The following TINAGL1 variants were observed in gnomAD, a reference collection of about 807,000 sequenced individuals.
The protein encoded by TINAGL1 is tubulointerstitial nephritis antigen like 1, also known as tubulointerstitial nephritis antigen-like.
In TINAGL1, 34 loss-of-function variants were observed where a neutral mutation model predicts 62.0. The observed-to-expected ratio is 0.55, with a 90% CI of 0.42 to 0.73. The LOEUF (loss-of-function observed/expected upper bound fraction) is 0.73. TINAGL1 is among the 30% of genes least tolerant of loss of function. The pLI is 0.00. For synonymous variants in TINAGL1, 221 were observed against 249.7 expected, an observed-to-expected ratio of 0.88 and a Z score of 1.08; for missense variants, 516 against 653.2, an observed-to-expected ratio of 0.79 and a Z score of 2.29.
chr1:31,579,168 T>C (rs1324888405), intron 2 of TINAGL1, 36 bp from the exon 3 acceptor site: 1 of 1,590,674 alleles, frequency 6.3e-7, no homozygotes, highest in East Asian at 2.2e-5. Flanking sequence ...TCCTCTCTGG[T>C]TCTGGTTCCA....
At position 31,578,434 on chromosome 1, in the gene TINAGL1, G is replaced by GGTGTGT. The variant is rs10577314; in HGVS notation, c.311-750_311-745dup. ...TTATAGTTTAATTTTAGTGACAGCTGGTGTGTGTGTGTGTGTGTGTGTGTG... is the reference window on the plus strand; with the variant it reads ...TTATAGTTTAATTTTAGTGACAGCTGGTGTGTGTGTGTGTGTGTGTGTGTGTGTGTG... On this transcript the variant is annotated intron_variant, in intron 2 of 11. Coordinates refer to ENST00000271064, the MANE Select transcript of TINAGL1 (RefSeq NM_022164.3). Among the ~76,000 whole-genome samples, 164 of 99,956 alleles carry GGTGTGT rather than the reference G, an allele frequency of 1.6e-3. 2 individuals carry two copies. The highest frequency in any genetic ancestry group is 8.2e-3 in the South Asian group (20 of 2,438). The allele number at this position is 99,956 out of a possible 152,430, so 65.6% of individuals were successfully genotyped here.
chr1:31,581,250 G>C (rs572854474), intron 3 of TINAGL1, among the ~76,000 whole-genome samples: 203 of 140,380 alleles, frequency 1.4e-3, no homozygotes, highest in Middle Eastern at 7.0e-3. Context: ...TCTGATTTAC[G>C]TTCTTCAAAG....
chr1:31,586,916 C>T lies in TINAGL1; in HGVS notation c.1341C>T (p.Asp447=). The part of the protein sequence containing the change: ...FRIVRGVNEC[D]IESFVLGVWG... Reference sequence around the variant, plus strand: ...TCGTGCGCGGCGTCAATGAGTGCGACATCGAGAGCTTCGTGCTGGGCGTCT... The same window carrying T: ...TCGTGCGCGGCGTCAATGAGTGCGATATCGAGAGCTTCGTGCTGGGCGTCT... The change falls in exon 12 of 12, where the codon GAC becomes GAT. Residue 447 remains aspartate (D), a synonymous_variant. Coordinates refer to ENST00000271064, the MANE Select transcript of TINAGL1 (RefSeq NM_022164.3). The T allele has an allele frequency of 6.5e-7, 1 of 1,542,240 alleles. No homozygotes were observed. The highest frequency in any genetic ancestry group is 1.7e-4 in the Middle Eastern group (1 of 5,740).
chr1:31,584,912 C>T lies in TINAGL1; in HGVS notation c.733C>T (p.His245Tyr), dbSNP rs776910289. Residue 245 changes from histidine (H) to tyrosine (Y), a missense_variant, in exon 7 of 12, where the codon CAT (histidine) becomes TAT (tyrosine). Transcript: ENST00000271064. The surrounding 1 kb of genome is among the most constrained non-coding windows in gnomAD (Gnocchi z 4.0). ...TGTGGCATCCGATCGTGTCTCAATC[C>T]ATTCTCTGGGACACATGACGCCTGT... ...AAVASDRVSI[H>Y]SLGHMTPVLS... is the part of the protein sequence containing the mutation. 1 of 1,609,616 alleles carries T rather than the reference C, an allele frequency of 6.2e-7. No homozygotes were observed. The highest frequency in any genetic ancestry group is 2.2e-5 in the East Asian group (1 of 44,744).
intron 3 of TINAGL1, chr1:31,580,191 C>CTCTCTG (rs1639188891): frequency 2.4e-6 from 1 of 410,060 alleles, no homozygotes; most frequent in East Asian, 2.0e-4. Context: ...CTCTCTCTCT[C>CTCTCTG]TCTCTCTCTC....
chr1:31,578,057 C>T (rs546151563), intron 2 of TINAGL1: 57 of 681,014 alleles, frequency 8.4e-5, no homozygotes, highest in Non-Finnish European at 1.0e-4. Context: ...TCCCCATGCT[C>T]CTCCCACTCC....
chr1:31,583,950 G>A lies in TINAGL1; in HGVS notation c.582+375G>A, dbSNP rs959309448. On this transcript the variant is annotated intron_variant, in intron 5 of 11. Coordinates refer to ENST00000271064, the MANE Select transcript of TINAGL1 (RefSeq NM_022164.3). This position sits in a 1 kb window ranked among gnomAD's most constrained non-coding sequence, Gnocchi z 4.4. ...TTCTGGCCAGAGGGCAGCAGTTCTC[G>A]GAAATAAATGCCGGTTCAGCGGAAC... The A allele has an allele frequency of 7.1e-5, 14 of 196,884 alleles. No individual in the cohort carries two copies. Among genetic ancestry groups the A allele is most frequent in the Middle Eastern group, 2.0e-3 (1 of 492 alleles). 12.2% of individuals were successfully genotyped at this position (196,884 alleles called of 1,614,324 possible).
rs139724484 is a variant in TINAGL1, at chr1:31,577,653, C to T, written c.310+195C>T. 6.1e-5 allele frequency: 40 copies of T among 659,002 alleles called. No individual in the cohort carries two copies. The African/African-American group carries it at 7.1e-4, about 12-fold the overall frequency. 40.8% of individuals were successfully genotyped at this position (659,002 alleles called of 1,614,324 possible). On this transcript the variant is annotated intron_variant, in intron 2 of 11. Transcript: ENST00000271064. The surrounding 1 kb of genome is among the most constrained non-coding windows in gnomAD (Gnocchi z 5.4). ...TCCTTGGTTAGAATTCTAATTTGGCCCAGGGAAAGGGCAACCTCCCACATT... is the reference window on the plus strand; with the variant it reads ...TCCTTGGTTAGAATTCTAATTTGGCTCAGGGAAAGGGCAACCTCCCACATT...
At chr1:31,586,562 CAG>C in intron 10 of TINAGL1, 146 bp from the exon 11 acceptor site, 3 of 838,556 alleles carry the variant, frequency 3.6e-6, no homozygotes, top group Non-Finnish European at 5.9e-6. Flanking sequence ...GAGGGAGATG[CAG>C]AGAGGTACAG....
At chr1:31,578,552 GGTGT>G (rs375119727) in intron 2 of TINAGL1, among the ~76,000 whole-genome samples, 29 of 132,582 alleles carry the variant, frequency 2.2e-4, no homozygotes, top group Middle Eastern at 5.0e-3. Context: ...AGTGAGAGCT[GGTGT>G]GTGTGTGTGT....
rs1319048975 is a variant in TINAGL1, at chr1:31,583,718, T to C, written c.582+143T>C. ...GTCCCTGGACAAGTTACTCCCCTTCTCTGGGCCTCTGTTCCCTGCTTCCAC... is the reference window on the plus strand; with the variant it reads ...GTCCCTGGACAAGTTACTCCCCTTCCCTGGGCCTCTGTTCCCTGCTTCCAC... On this transcript the variant is annotated intron_variant, in intron 5 of 11. Transcript: ENST00000271064. This position sits in a 1 kb window ranked among gnomAD's most constrained non-coding sequence, Gnocchi z 4.4. 2.9e-6 allele frequency: 2 copies of C among 678,942 alleles called. No homozygotes were observed. Among genetic ancestry groups the C allele is most frequent in the African/African-American group, 3.6e-5 (2 of 56,208 alleles). The allele number at this position is 678,942 out of a possible 1,614,324, so 42.1% of individuals were successfully genotyped here.
rs1275709874 is a variant in TINAGL1 at position 31,587,037 on chromosome 1, G to A, written c.*58G>A. 2.7e-5 allele frequency: 37 copies of A among 1,394,918 alleles called. No homozygotes were observed. The highest frequency in any genetic ancestry group is 3.1e-5 in the Non-Finnish European group (34 of 1,080,172). The allele number at this position is 1,394,918 out of a possible 1,614,324, so 86.4% of individuals were successfully genotyped here. A position where few individuals can be genotyped will look rare whatever the true frequency, so the allele number is the denominator to read the frequency against. ...ATCCAGGCTAAGGGCCGGCGGAAGA[G>A]GCCCCAATGGGGCGGTGACCCCAGC... On this transcript the variant is annotated 3_prime_UTR_variant, in exon 12 of 12. Coordinates refer to ENST00000271064, the MANE Select transcript of TINAGL1 (RefSeq NM_022164.3).
intron 2 of TINAGL1, among the ~76,000 whole-genome samples, chr1:31,578,612 T>C (rs1384640806): frequency 7.0e-6 from 1 of 142,530 alleles, no homozygotes; most frequent in East Asian, 2.1e-4. Flanking sequence ...AGCTGGTGTG[T>C]GTGTGTGTGA....
At position 31,586,769 on chromosome 1, in the gene TINAGL1, C is replaced by A; in HGVS notation, c.1263+14C>A. The A allele has an allele frequency of 6.4e-7, 1 of 1,551,928 alleles. No homozygotes were observed. The highest frequency in any genetic ancestry group is 8.7e-7 in the Non-Finnish European group (1 of 1,147,120). ...CTCAAATACTGGGTGAGGCCGCTGACCCTTTCCCCGCCCCCTCTTCCCCTC... is the reference window on the plus strand; with the variant it reads ...CTCAAATACTGGGTGAGGCCGCTGAACCTTTCCCCGCCCCCTCTTCCCCTC... On this transcript the variant is annotated intron_variant, in intron 11 of 11. Transcript: ENST00000271064.
rs1311372426 is a variant in TINAGL1 at position 31,578,998 on chromosome 1, TG to T, written c.311-204del. Among the ~76,000 whole-genome samples, 239 of 88,668 alleles carry T rather than the reference TG, an allele frequency of 2.7e-3. 1 individual carries two copies. The highest frequency in any genetic ancestry group is 0.016 in the Middle Eastern group (2 of 128). 58.2% of individuals were successfully genotyped at this position (88,668 alleles called of 152,430 possible). On this transcript the variant is annotated intron_variant, in intron 2 of 11. Transcript: ENST00000271064. Reference sequence around the variant, plus strand: ...GTTATAGTTTAATTTTAGTGACAGCTGGTGTGTGTGTGTGTGTGTGTGTGTG... The same window carrying T: ...GTTATAGTTTAATTTTAGTGACAGCTGTGTGTGTGTGTGTGTGTGTGTGTG...
intron 3 of TINAGL1, chr1:31,580,401 T>G (rs1487475755): frequency 7.8e-7 from 1 of 1,289,174 alleles, no homozygotes; most frequent in Non-Finnish European, 1.0e-6. Context: ...TACTGCCCTC[T>G]CCTCATGAAG....
intron 2 of TINAGL1, among the ~76,000 whole-genome samples, chr1:31,578,606 G>GTT (rs1553148661): frequency 1.0e-5 from 1 of 98,088 alleles, no homozygotes. Flanking sequence ...AGTGAGAGCT[G>GTT]GTGTGTGTGT....
In TINAGL1 at chr1:31,583,075, A is replaced by T; in HGVS notation, c.375-74A>T. ...TGCACAGACTCCCTGGCCCATGTTA[A>T]CCTCCGAGGCCACATTCCTTCAAAG... On this transcript the variant is annotated intron_variant, in intron 3 of 11. Coordinates refer to ENST00000271064, the MANE Select transcript of TINAGL1 (RefSeq NM_022164.3). The surrounding 1 kb of genome is among the most constrained non-coding windows in gnomAD (Gnocchi z 4.4). 7.3e-7 allele frequency: 1 copy of T among 1,363,154 alleles called. No individual in the cohort carries two copies. The highest frequency in any genetic ancestry group is 1.0e-6 in the Non-Finnish European group (1 of 952,662). The allele number at this position is 1,363,154 out of a possible 1,614,324, so 84.4% of individuals were successfully genotyped here.
chr1:31,587,197 G>C lies in TINAGL1; in HGVS notation c.*218G>C. 1.6e-6 allele frequency: 1 copy of C among 612,392 alleles called. No homozygotes were observed. Among genetic ancestry groups the C allele is most frequent in the Non-Finnish European group, 2.4e-6 (1 of 418,980 alleles). The allele number at this position is 612,392 out of a possible 1,614,324, so 37.9% of individuals were successfully genotyped here. A position where few individuals can be genotyped will look rare whatever the true frequency, so the allele number is the denominator to read the frequency against. ...AGCCCCCAGACCTCCCAGTGGGGAC[G>C]GGGCAGGGCCTGGCCTGGGAAGAGC... is the stretch of plus-strand genomic sequence containing the variant. On this transcript the variant is annotated 3_prime_UTR_variant, in exon 12 of 12. Transcript: ENST00000271064.
Sources: allele counts gnomAD v4.1 joint callset (sites outside exome capture counted in the v4.1 genomes callset), GRCh38; gene constraint gnomAD v4.1.1; non-coding constraint Gnocchi (gnomAD v3.1); transcripts MANE v1.5; gene names NCBI Gene and HGNC (gene_info 2026-07-23, HGNC 2026-07-21).